SLC45A4: variants seen among roughly 807,000 people sequenced by gnomAD.
The protein encoded by SLC45A4 is solute carrier family 45 member 4.
A neutral mutation model predicts 63.7 loss-of-function variants in SLC45A4; 32 were observed. The ratio of observed to expected loss-of-function variants is 0.50; its 90% CI spans 0.38 to 0.67. SLC45A4 has a LOEUF of 0.67. Among genes scored for constraint, SLC45A4 ranks in the 30% least tolerant of loss-of-function variants. The probability of loss-of-function intolerance (pLI) is 0.00; values close to 1 mark genes in which losing one functional copy is unlikely to be tolerated. For synonymous variants in SLC45A4, 535 were observed against 510.0 expected (o/e 1.05, Z -0.66); for missense variants, 1,027 against 1,157.7 (o/e 0.89, Z 1.64).
rs1349797988 is a variant in SLC45A4, at chr8:141,211,502, T to C, written c.*70A>G. ...CCTCCCAGCTTTGGTGTGCGGTCGC[T>C]GCCCAAGGACAGGGCTGCCCTGGGC... On this transcript the variant is annotated 3_prime_UTR_variant, in exon 9 of 9. Transcript: ENST00000517878. The C allele has an allele frequency of 6.8e-6, 11 of 1,609,308 alleles. No homozygotes were observed. Among genetic ancestry groups the C allele is most frequent in the Non-Finnish European group, 9.3e-6 (11 of 1,177,970 alleles).
intron 1 of SLC45A4, among the ~76,000 whole-genome samples, chr8:141,273,499 AAACT>A (rs1829616733): frequency 1.3e-5 from 2 of 152,084 alleles, no homozygotes; most frequent in South Asian, 4.1e-4. Context: ...AGGTACAAAC[AAACT>A]GAGTCTGTCA....
intron 2 of SLC45A4, chr8:141,225,409 A>G (rs1271576850): frequency 2.0e-5 from 3 of 152,230 alleles, no homozygotes; most frequent in Admixed American, 6.5e-5. Flanking sequence ...TGTTGCGTCA[A>G]CGAAGGCCAA....
intron 1 of SLC45A4, among the ~76,000 whole-genome samples, chr8:141,263,433 T>A (rs58954329): frequency 0.039 from 5,842 of 151,422 alleles, 374 homozygotes; most frequent in African/African-American, 0.13. Context: ...AAAAAATAAA[T>A]AAATAAATAA....
chr8:141,295,807 G>A (rs1212103808), intron 1 of SLC45A4, among the ~76,000 whole-genome samples: 1 of 152,240 alleles, frequency 6.6e-6, no homozygotes, highest in Non-Finnish European at 1.5e-5. Context: ...CAAGGCTGAA[G>A]GCCTTGAGTG....
Position 141,260,220 on chromosome 8 carries a change from A to C in SLC45A4, c.-400-5591T>G, listed in dbSNP as rs754706958. 9.6e-4 allele frequency among the ~76,000 whole-genome samples: 147 copies of C among 152,372 alleles called. 1 individual carries two copies. Among genetic ancestry groups the C allele is most frequent in the Middle Eastern group, 6.8e-3 (2 of 294 alleles). On this transcript the variant is annotated intron_variant, in intron 1 of 8. Coordinates refer to ENST00000517878, the MANE Select transcript of SLC45A4 (RefSeq NM_001286646.2). Reference sequence around the variant, plus strand: ...ACATCTTGAGTTTGTTTAAAGTAGCAGTAAGTACAAAAATCTACCAAATGT... The same window carrying C: ...ACATCTTGAGTTTGTTTAAAGTAGCCGTAAGTACAAAAATCTACCAAATGT...
At chr8:141,255,009 G>A (rs1235041315) in intron 1 of SLC45A4, among the ~76,000 whole-genome samples, 2 of 152,176 alleles carry the variant, frequency 1.3e-5, no homozygotes, top group East Asian at 3.9e-4. Flanking sequence ...TGTGGCTGCA[G>A]ATATCATGAA....
In SLC45A4 at chr8:141,252,719, G is replaced by C. The variant is rs1232150496; in HGVS notation, c.241+1270C>G. 5 of 116,824 alleles carry C rather than the reference G, an allele frequency of 4.3e-5. No individual in the cohort carries two copies. In the South Asian group the frequency reaches 8.3e-4, roughly 19 times the overall value. The allele number at this position is 116,824 out of a possible 1,614,324, so 7.2% of individuals were successfully genotyped here. ...TCCGTGTTTTCACGCCCACCTGCGT[G>C]TCTGTGAATTTCCGTGTTTTCATGC... On this transcript the variant is annotated intron_variant, in intron 2 of 8. Coordinates refer to ENST00000517878, the MANE Select transcript of SLC45A4 (RefSeq NM_001286646.2).
intron 1 of SLC45A4, among the ~76,000 whole-genome samples, chr8:141,306,379 CCT>C (rs1294002397): frequency 6.6e-6 from 1 of 152,374 alleles, no homozygotes; most frequent in East Asian, 1.9e-4. Context: ...AGTTCCCCAG[CCT>C]CTCTCTAGAA....
At chr8:141,240,355 C>T (rs893616085) in intron 2 of SLC45A4, among the ~76,000 whole-genome samples, 4 of 152,194 alleles carry the variant, frequency 2.6e-5, no homozygotes, top group African/African-American at 7.2e-5. Flanking sequence ...TTTTCCTTTT[C>T]CCCTGAGTAT....
intron 1 of SLC45A4, chr8:141,292,937 T>A (rs996594239): frequency 6.6e-6 from 1 of 152,228 alleles, no homozygotes; most frequent in Non-Finnish European, 1.5e-5. Context: ...AGTGCGCAGA[T>A]GCCTGACTCT....
chr8:141,216,200 C>G (rs1826140753), intron 6 of SLC45A4, among the ~76,000 whole-genome samples: 1 of 152,214 alleles, frequency 6.6e-6, no homozygotes, highest in African/African-American at 2.4e-5. Context: ...GAAATTGGCC[C>G]TCCTTGTCCC....
intron 1 of SLC45A4, among the ~76,000 whole-genome samples, chr8:141,301,693 C>T (rs1357483192): frequency 7.2e-6 from 1 of 138,436 alleles, no homozygotes; most frequent in Non-Finnish European, 1.5e-5. Flanking sequence ...CATGATCTCA[C>T]CACTGGACTC....
Position 141,266,716 on chromosome 8 carries a change from G to A in SLC45A4, c.-400-12087C>T, listed in dbSNP as rs1247630501. Among the ~76,000 whole-genome samples, 9 of 152,182 alleles carry A rather than the reference G, an allele frequency of 5.9e-5. No individual in the cohort carries two copies. The South Asian group carries it at 1.2e-3, about 21-fold the overall frequency. On this transcript the variant is annotated intron_variant, in intron 1 of 8. Coordinates refer to ENST00000517878, the MANE Select transcript of SLC45A4 (RefSeq NM_001286646.2). ...ATACAAAGAGTCCTTAAAACTCAAC[G>A]AAAAGAAAATGAGCTCTTCTACAAG... is the stretch of plus-strand genomic sequence containing the variant.
intron 1 of SLC45A4, among the ~76,000 whole-genome samples, chr8:141,272,099 A>G (rs567814532): frequency 1.1e-4 from 17 of 152,376 alleles, no homozygotes; most frequent in African/African-American, 3.8e-4. Context: ...CGCAACACAC[A>G]GGCATGCTGA....
At chr8:141,252,995 CCA>C (rs1828574210) in intron 2 of SLC45A4, among the ~76,000 whole-genome samples, 1 of 144,298 alleles carries the variant, frequency 6.9e-6, no homozygotes, top group Admixed American at 7.0e-5. Context: ...GTTTTCACAC[CCA>C]CCTGTGCGTC....
intron 1 of SLC45A4, among the ~76,000 whole-genome samples, chr8:141,304,196 G>C (rs111592106): frequency 2.4e-4 from 36 of 152,224 alleles, no homozygotes; most frequent in African/African-American, 7.9e-4. Flanking sequence ...GGAAGCTGGG[G>C]CAGGAGGATC....
chr8:141,286,750 C>T (rs959082954), intron 1 of SLC45A4, among the ~76,000 whole-genome samples: 3 of 144,718 alleles, frequency 2.1e-5, no homozygotes, highest in Admixed American at 1.4e-4. Context: ...CCCCCCGCTC[C>T]CCACCACCGA....
chr8:141,223,517 C>A (rs771080656), intron 2 of SLC45A4, among the ~76,000 whole-genome samples: 2 of 152,228 alleles, frequency 1.3e-5, no homozygotes, highest in Non-Finnish European at 2.9e-5. Context: ...CAATGTATGT[C>A]GGCAAACCCG....
chr8:141,284,421 G>A (rs1036500800), intron 1 of SLC45A4, among the ~76,000 whole-genome samples: 1 of 152,228 alleles, frequency 6.6e-6, no homozygotes, highest in Non-Finnish European at 1.5e-5. Flanking sequence ...AGCACTCCAC[G>A]GCCATCCGGG....
Sources: gnomAD v4.1 joint callset for allele counts (sites outside exome capture counted in the v4.1 genomes callset) on GRCh38, gnomAD v4.1.1 for gene constraint, MANE v1.5 for transcripts, NCBI Gene and HGNC (gene_info 2026-07-23, HGNC 2026-07-21) for gene names.